WDR35: variants seen among roughly 807,000 people sequenced by gnomAD.
The protein encoded by WDR35 is WD repeat domain 35.
WDR35 carries 118 observed loss-of-function variants against 158.3 expected under a neutral mutation model. That is an observed-to-expected ratio of 0.75 (90% CI 0.64 to 0.87). The LOEUF is 0.87. Among genes scored for constraint, WDR35 ranks in the 40% least tolerant of loss-of-function variants. The pLI, the probability that WDR35 is intolerant of heterozygous loss-of-function variation, is 0.00. For missense variants in WDR35, 1,263 were observed against 1,405.8 expected (o/e 0.90, Z 1.62); for synonymous variants, 448 against 476.1 (o/e 0.94, Z 0.77).
At chr2:19,956,542 A>G (rs1671438763) in intron 11 of WDR35, among the ~76,000 whole-genome samples, 1 of 152,122 alleles carries the variant, frequency 6.6e-6, no homozygotes, top group Non-Finnish European at 1.5e-5. Flanking sequence ...TTTAAGAGAG[A>G]TAACAATATA....
intron 22 of WDR35, among the ~76,000 whole-genome samples, chr2:19,932,875 A>T (rs1670566717): frequency 6.6e-6 from 1 of 152,198 alleles, no homozygotes; most frequent in African/African-American, 2.4e-5. Context: ...GAAAAATATT[A>T]AAAGAATACA....
chr2:19,923,251 G>C (rs541252068), intron 25 of WDR35, among the ~76,000 whole-genome samples: 1 of 152,234 alleles, frequency 6.6e-6, no homozygotes, highest in African/African-American at 2.4e-5. Context: ...GACCGAGCTG[G>C]TCTCGGCAAG....
At chr2:19,917,953 G>A (rs895142560) in intron 25 of WDR35, among the ~76,000 whole-genome samples, 10 of 152,048 alleles carry the variant, frequency 6.6e-5, no homozygotes, top group African/African-American at 2.4e-4. Flanking sequence ...GATTCACCAA[G>A]GTTGAAATGA....
chr2:19,972,222 C>T (rs1271427765), intron 8 of WDR35, among the ~76,000 whole-genome samples: 7 of 152,198 alleles, frequency 4.6e-5, no homozygotes, highest in African/African-American at 1.7e-4. Flanking sequence ...CCAAATAATT[C>T]CCCATATATT....
intron 21 of WDR35, 87 bp from the exon 22 acceptor site, chr2:19,933,598 G>T: frequency 8.5e-7 from 1 of 1,171,932 alleles, no homozygotes; most frequent in Non-Finnish European, 1.2e-6. Flanking sequence ...AGGGACGTAT[G>T]AGTATTAAAT....
intron 25 of WDR35, among the ~76,000 whole-genome samples, chr2:19,928,758 T>C (rs1670437203): frequency 6.6e-6 from 1 of 152,200 alleles, no homozygotes; most frequent in South Asian, 2.1e-4. Context: ...TAAGTGAGTT[T>C]TCTTTTCATG....
intron 23 of WDR35, 122 bp from the exon 24 acceptor site, chr2:19,931,531 T>A (rs967745385): frequency 1.0e-4 from 104 of 1,036,876 alleles, no homozygotes; most frequent in Non-Finnish European, 1.4e-4. Context: ...AGATGGAATA[T>A]AAATATCACC....
At chr2:19,950,934 C>T (rs182516819) in intron 13 of WDR35, among the ~76,000 whole-genome samples, 98 of 152,268 alleles carry the variant, frequency 6.4e-4, no homozygotes, top group African/African-American at 2.1e-3. Context: ...ACAATAGGCA[C>T]TACTTTAAAT....
Position 19,912,096 on chromosome 2 carries a change from T to C in WDR35, c.*1462A>G, listed in dbSNP as rs569050560. On this transcript the variant is annotated 3_prime_UTR_variant, in exon 27 of 27. Transcript: ENST00000281405. ...GAATGTGAGTCAGGACATAAAAACA[T>C]TACAAAACCCAGGATTCAGGTGTTG... 6.6e-6 allele frequency: 1 copy of C among 152,278 alleles called. No individual in the cohort carries two copies. Among genetic ancestry groups the C allele is most frequent in the Non-Finnish European group, 1.5e-5 (1 of 68,026 alleles). 9.4% of individuals were successfully genotyped at this position (152,278 alleles called of 1,614,324 possible). A position where few individuals can be genotyped will look rare whatever the true frequency, so the allele number is the denominator to read the frequency against.
At chr2:19,921,316 G>A (rs1438840493) in intron 25 of WDR35, among the ~76,000 whole-genome samples, 1 of 152,108 alleles carries the variant, frequency 6.6e-6, no homozygotes, top group Non-Finnish European at 1.5e-5. Context: ...CACACTAACT[G>A]ACTACGAACT....
Position 19,914,074 on chromosome 2 carries a change from C to A in WDR35, c.3325G>T (p.Asp1109Tyr). The change falls in exon 26 of 27, where the codon GAT becomes TAT. Residue 1109 changes from aspartate to tyrosine, a missense_variant. Asp to Tyr is a radical substitution (Grantham distance 160). Transcript: ENST00000281405. ...LEIFTKHTSK[D>Y]NRKPELDSLM... The stretch of plus-strand genomic sequence containing the variant: ...CTGTCCAATTCAGGTTTTCTGTTAT[C>A]TTTTGAAGTATGTTTGGTGAAGATT... 1 of 1,614,100 alleles carries A rather than the reference C, an allele frequency of 6.2e-7. No individual in the cohort carries two copies. Among genetic ancestry groups the A allele is most frequent in the East Asian group, 2.2e-5 (1 of 44,868 alleles).
intron 2 of WDR35, 27 bp from the exon 3 acceptor site, chr2:19,982,561 T>A: frequency 6.8e-6 from 11 of 1,606,328 alleles, no homozygotes; most frequent in Non-Finnish European, 8.5e-6. Context: ...CAAACTACTA[T>A]GATAAATATG....
intron 2 of WDR35, among the ~76,000 whole-genome samples, chr2:19,983,188 C>G (rs374590878): frequency 6.6e-6 from 1 of 152,116 alleles, no homozygotes; most frequent in Non-Finnish European, 1.5e-5. Flanking sequence ...ATCAGAAGAA[C>G]TGATATTTAA....
intron 25 of WDR35, among the ~76,000 whole-genome samples, chr2:19,918,444 TG>T (rs1670055884): frequency 6.6e-6 from 1 of 152,146 alleles, no homozygotes; most frequent in African/African-American, 2.4e-5. Flanking sequence ...AGACACAGAC[TG>T]GCAAATTGGA....
chr2:19,976,861 C>T (rs1172473318), intron 5 of WDR35, among the ~76,000 whole-genome samples: 1 of 151,882 alleles, frequency 6.6e-6, no homozygotes, highest in African/African-American at 2.4e-5. Context: ...ACTCTTTTGC[C>T]CAGGCTAGAG....
chr2:19,948,873 C>T (rs756426784), intron 13 of WDR35, among the ~76,000 whole-genome samples: 4 of 151,538 alleles, frequency 2.6e-5, no homozygotes, highest in Non-Finnish European at 5.9e-5. Flanking sequence ...GAGATCACAC[C>T]ACTGCACTCC....
chr2:19,920,945 C>T (rs974077382), intron 25 of WDR35, among the ~76,000 whole-genome samples: 17 of 152,170 alleles, frequency 1.1e-4, no homozygotes, highest in Non-Finnish European at 1.8e-4. Context: ...AACAGCCAAA[C>T]AGAGAGCCAA....
intron 22 of WDR35, 127 bp from the exon 23 acceptor site, chr2:19,932,574 A>T (rs1670559233): frequency 8.8e-7 from 1 of 1,141,810 alleles, no homozygotes; most frequent in African/African-American, 1.6e-5. Context: ...GGTATGTTTT[A>T]AAAATAGCAT....
At chr2:19,980,282 C>T (rs1033473034) in intron 4 of WDR35, among the ~76,000 whole-genome samples, 1 of 152,036 alleles carries the variant, frequency 6.6e-6, no homozygotes, top group East Asian at 1.9e-4. Context: ...CAGTCATTTC[C>T]CCTTTCCCCT....
Sources: gnomAD v4.1 joint callset for allele counts (sites outside exome capture counted in the v4.1 genomes callset) on GRCh38, gnomAD v4.1.1 for gene constraint, MANE v1.5 for transcripts, NCBI Gene and HGNC (gene_info 2026-07-23, HGNC 2026-07-21) for gene names.